The following MYPN variants were observed in gnomAD, a reference collection of about 807,000 sequenced individuals.
The protein encoded by MYPN is sarcomeric protein myopalladin, 145 kDa (MYOP).
MYPN carries 63 observed loss-of-function variants against 129.4 expected under a neutral mutation model. The observed-to-expected ratio is 0.49, with a 90% CI of 0.40 to 0.60. The LOEUF is 0.60. Among genes scored for constraint, MYPN ranks in the 20% least tolerant of loss-of-function variants. MYPN has a pLI of 0.00. For missense variants in MYPN, 1,596 were observed against 1,635.4 expected, an observed-to-expected ratio of 0.98 and a Z score of 0.42; for synonymous variants, 629 against 600.9, an observed-to-expected ratio of 1.05 and a Z score of -0.68.
intron 13 of MYPN, 135 bp from the exon 14 acceptor site, chr10:68,194,227 TA>T: frequency 1.2e-6 from 1 of 822,662 alleles, no homozygotes; most frequent in East Asian, 2.9e-5. Context: ...ATATGTTTTA[TA>T]ACTTTTTTTC....
intron 1 of MYPN, among the ~76,000 whole-genome samples, chr10:68,100,679 T>C (rs983223057): frequency 3.9e-5 from 6 of 152,170 alleles, no homozygotes; most frequent in Non-Finnish European, 7.4e-5. Flanking sequence ...ACACCTCTTA[T>C]TAGCACCTGT....
In MYPN at chr10:68,197,333, A is replaced by C. The variant is rs754950593; in HGVS notation, c.3159-19A>C. 2.3e-5 allele frequency: 37 copies of C among 1,612,056 alleles called. No individual in the cohort carries two copies. The highest frequency in any genetic ancestry group is 3.1e-5 in the Non-Finnish European group (36 of 1,178,872). On this transcript the variant is annotated intron_variant, in intron 15 of 19. Transcript: ENST00000358913. ...AATTTATTTCTATGTTTAATATCTG[A>C]ACATGCTTGTTGTTATAGGGGAAGA...
Position 68,211,392 on chromosome 10 carries a change from C to A in MYPN, c.*937C>A, listed in dbSNP as rs1423073691. 2.2e-6 allele frequency: 1 copy of A among 453,920 alleles called. No individual in the cohort carries two copies. Among genetic ancestry groups the A allele is most frequent in the African/African-American group, 2.0e-5 (1 of 49,968 alleles). The allele number at this position is 453,920 out of a possible 1,614,324, so 28.1% of individuals were successfully genotyped here. A position where few individuals can be genotyped will look rare whatever the true frequency, so the allele number is the denominator to read the frequency against. On this transcript the variant is annotated 3_prime_UTR_variant, in exon 20 of 20. Transcript: ENST00000358913. ...TGTAGGAGGAAGGAAGAGATACAAACAAGGAGAGGAAATGATGGGAGAGTG... is the reference window on the plus strand; with the variant it reads ...TGTAGGAGGAAGGAAGAGATACAAAAAAGGAGAGGAAATGATGGGAGAGTG...
upstream of MYPN, among the ~76,000 whole-genome samples, chr10:68,104,605 A>T (rs1474035710): frequency 6.6e-6 from 1 of 152,184 alleles, no homozygotes; most frequent in African/African-American, 2.4e-5. Context: ...AAAACATTGC[A>T]TGTAGAGTTT....
intron 2 of MYPN, among the ~76,000 whole-genome samples, chr10:68,140,120 G>A (rs1235896411): frequency 6.6e-6 from 1 of 152,162 alleles, no homozygotes; most frequent in Non-Finnish European, 1.5e-5. Flanking sequence ...GTAAAGGTCT[G>A]GGGGAGGAGG....
intron 13 of MYPN, among the ~76,000 whole-genome samples, chr10:68,191,726 G>C (rs898609631): frequency 4.6e-5 from 7 of 151,956 alleles, no homozygotes; most frequent in African/African-American, 1.7e-4. Flanking sequence ...TCACTTCTTT[G>C]GTTAAATTTA....
intron 2 of MYPN, among the ~76,000 whole-genome samples, chr10:68,126,500 G>A (rs539333476): frequency 6.6e-6 from 1 of 152,324 alleles, no homozygotes; most frequent in Non-Finnish European, 1.5e-5. Context: ...ATGAAGCCAT[G>A]AAGCCACTTA....
intron 15 of MYPN, among the ~76,000 whole-genome samples, chr10:68,197,058 G>A (rs140749026): frequency 2.0e-4 from 30 of 152,172 alleles, no homozygotes; most frequent in African/African-American, 6.3e-4. Context: ...ATAACTGGTC[G>A]AACTCATAGC....
intron 1 of MYPN, among the ~76,000 whole-genome samples, chr10:68,120,125 G>A (rs759094668): frequency 2.6e-5 from 4 of 152,122 alleles, no homozygotes; most frequent in Non-Finnish European, 5.9e-5. Context: ...ATCTCTGATT[G>A]GTGATGGCTG....
intron 7 of MYPN, among the ~76,000 whole-genome samples, chr10:68,160,031 T>C (rs755443895): frequency 4.6e-5 from 7 of 152,208 alleles, no homozygotes; most frequent in Non-Finnish European, 8.8e-5. Context: ...TAGCAGTCTG[T>C]AGATCAGTGT....
upstream of MYPN, chr10:68,106,640 T>C: frequency 1.4e-6 from 1 of 707,238 alleles, no homozygotes; most frequent in African/African-American, 1.7e-5. Flanking sequence ...GAGTAATTTG[T>C]TTTAGAGAAC....
At chr10:68,170,647 T>C (rs1364520752) in intron 10 of MYPN, among the ~76,000 whole-genome samples, 4 of 152,224 alleles carry the variant, frequency 2.6e-5, no homozygotes. Context: ...GCTGTCATTT[T>C]TAAACCTTGT....
chr10:68,161,846 G>A, intron 8 of MYPN, 94 bp downstream of exon 8: 1 of 1,035,620 alleles, frequency 9.7e-7, no homozygotes, highest in South Asian at 1.5e-5. Context: ...AATAAAAAGT[G>A]AAAAATAAAG....
chr10:68,166,692 C>G, intron 10 of MYPN, 26 bp downstream of exon 10: 1 of 1,613,182 alleles, frequency 6.2e-7, no homozygotes, highest in Non-Finnish European at 8.5e-7. Context: ...GATGAATAAC[C>G]AGGAGCTTCT....
chr10:68,157,873 C>T (rs1414037902), intron 6 of MYPN, among the ~76,000 whole-genome samples: 2 of 144,848 alleles, frequency 1.4e-5, no homozygotes, highest in Non-Finnish European at 3.1e-5. Context: ...AAAAAACACC[C>T]CCGACCAATA....
In MYPN at chr10:68,158,168, T is replaced by C. The variant is rs2176104; in HGVS notation, c.1318-318T>C. ...ATCAGGCTGGCTATGCGGGTGCCCTTTTTCTCCCTCATTGTTTCCATGTGC... is the reference window on the plus strand; with the variant it reads ...ATCAGGCTGGCTATGCGGGTGCCCTCTTTCTCCCTCATTGTTTCCATGTGC... On this transcript the variant is annotated intron_variant, in intron 6 of 19. Coordinates refer to ENST00000358913, the MANE Select transcript of MYPN (RefSeq NM_032578.4). The C allele has an allele frequency of 0.76, 210,770 of 278,768 alleles. 81,537 individuals are homozygous for C. Among genetic ancestry groups the C allele is most frequent in the African/African-American group, 0.86 (39,155 of 45,364 alleles). The allele number at this position is 278,768 out of a possible 1,614,324, so 17.3% of individuals were successfully genotyped here.
chr10:68,096,827 C>T (rs2041958902), intron 1 of MYPN, among the ~76,000 whole-genome samples: 1 of 152,200 alleles, frequency 6.6e-6, no homozygotes. Context: ...AATCACTTAA[C>T]CTTAACAATA....
At chr10:68,147,642 T>G (rs898604980) in intron 4 of MYPN, among the ~76,000 whole-genome samples, 2 of 152,186 alleles carry the variant, frequency 1.3e-5, no homozygotes, top group African/African-American at 4.8e-5. Flanking sequence ...GTGTAATTAC[T>G]GATATCTTTA....
intron 2 of MYPN, among the ~76,000 whole-genome samples, chr10:68,133,198 G>C (rs2042436913): frequency 6.6e-6 from 1 of 151,682 alleles, no homozygotes; most frequent in South Asian, 2.1e-4. Context: ...GCTAATTTTT[G>C]TATGTTTAGT....
Sources: allele counts gnomAD v4.1 joint callset (sites outside exome capture counted in the v4.1 genomes callset), GRCh38; gene constraint gnomAD v4.1.1; transcripts MANE v1.5; gene names NCBI Gene and HGNC (gene_info 2026-07-23, HGNC 2026-07-21).